VIPR1: variants seen among roughly 807,000 people sequenced by gnomAD.
VIPR1 encodes the protein vasoactive intestinal peptide receptor 1, also known as vasoactive intestinal polypeptide receptor 1.
Under a neutral mutation model 58.8 loss-of-function variants are expected in VIPR1, and 59 were observed. The observed-to-expected ratio is 1.00, with a 90% CI of 0.81 to 1.25. The LOEUF (loss-of-function observed/expected upper bound fraction) is 1.25, where lower values mean the gene tolerates loss of function less well. Among genes scored for constraint, VIPR1 ranks in the 50% most tolerant of loss-of-function variants. The pLI, the probability that VIPR1 is intolerant of heterozygous loss-of-function variation, is 0.00. For missense variants in VIPR1, 626 were observed against 602.7 expected (o/e 1.04, Z -0.40); for synonymous variants, 251 against 242.1 (o/e 1.04, Z -0.34).
intron 1 of VIPR1, chr3:42,507,336 G>C (rs1700162061): frequency 1.3e-5 from 2 of 152,242 alleles, no homozygotes; most frequent in Non-Finnish European, 2.9e-5. Flanking sequence ...GTGAGCCTCA[G>C]GCTAGCCTCC....
rs111871733 is a variant in VIPR1, at chr3:42,526,049, A to G, written c.399+56A>G. 1.3e-5 allele frequency: 19 copies of G among 1,499,880 alleles called. No homozygotes were observed. In the African/African-American group the frequency reaches 2.1e-4, roughly 16 times the overall value. The allele number at this position is 1,499,880 out of a possible 1,614,324, so 92.9% of individuals were successfully genotyped here. ...CAGAGCGCCGGGGCCCACCTAGGAG[A>G]CTTTGATCTCTCCCACCGAGGGGTG... is the stretch of plus-strand genomic sequence containing the variant. On this transcript the variant is annotated intron_variant, in intron 4 of 12. Coordinates refer to ENST00000325123, the MANE Select transcript of VIPR1 (RefSeq NM_004624.4).
intron 7 of VIPR1, chr3:42,531,137 G>A (rs561439631): frequency 1.5e-6 from 1 of 681,192 alleles, no homozygotes; most frequent in African/African-American, 1.8e-5. Flanking sequence ...CTGCACCTAG[G>A]GCTGACCTGT....
chr3:42,528,157 T>A (rs1285947123), intron 6 of VIPR1, 34 bp downstream of exon 6: 2 of 1,606,756 alleles, frequency 1.2e-6, no homozygotes, highest in Non-Finnish European at 1.7e-6. Flanking sequence ...CCTCCCTCAG[T>A]CTCGCCGTTA....
In VIPR1 at chr3:42,536,748, T is replaced by G. The variant is rs1701870727; in HGVS notation, c.*467T>G. ...AGTGCCTGAAATTTCACCATTGCTGTCAAGTTCCTTTGGGTTAAGCATTAC... is the reference window on the plus strand; with the variant it reads ...AGTGCCTGAAATTTCACCATTGCTGGCAAGTTCCTTTGGGTTAAGCATTAC... On this transcript the variant is annotated 3_prime_UTR_variant, in exon 13 of 13. Transcript: ENST00000325123. 6.4e-6 allele frequency: 1 copy of G among 157,044 alleles called. No homozygotes were observed. The highest frequency in any genetic ancestry group is 1.4e-5 in the Non-Finnish European group (1 of 71,528). The allele number at this position is 157,044 out of a possible 1,614,324, so 9.7% of individuals were successfully genotyped here. A position where few individuals can be genotyped will look rare whatever the true frequency, so the allele number is the denominator to read the frequency against.
rs753870194 is a variant in VIPR1 at position 42,531,461 on chromosome 3, G to A, written c.791-10G>A. The A allele has an allele frequency of 2.5e-6, 4 of 1,572,388 alleles. No individual in the cohort carries two copies. Among genetic ancestry groups the A allele is most frequent in the African/African-American group, 2.7e-5 (2 of 73,972 alleles). Reference sequence around the variant, plus strand: ...CCTCTCTGCTCTTTCACTCTCCCTGGGCCTGACAGGGGTACCCAGCACATT... The same window carrying A: ...CCTCTCTGCTCTTTCACTCTCCCTGAGCCTGACAGGGGTACCCAGCACATT... On this transcript the variant is annotated splice_polypyrimidine_tract_variant and intron_variant, in intron 7 of 12. Coordinates refer to ENST00000325123, the MANE Select transcript of VIPR1 (RefSeq NM_004624.4).
intron 11 of VIPR1, 100 bp downstream of exon 11, chr3:42,535,204 A>C: frequency 6.2e-7 from 1 of 1,600,692 alleles, no homozygotes; most frequent in Non-Finnish European, 8.5e-7. Flanking sequence ...TTTTTACTGT[A>C]ATAAGTATTA....
chr3:42,527,339 C>T (rs936768568), intron 4 of VIPR1, 54 bp from the exon 5 acceptor site: 2 of 1,555,708 alleles, frequency 1.3e-6, no homozygotes, highest in Non-Finnish European at 1.8e-6. Context: ...CCAATACCCC[C>T]TAGATGAGCC....
Position 42,528,070 on chromosome 3 carries a change from A to G in VIPR1, c.583A>G (p.Lys195Glu), listed in dbSNP as rs1701330764. The G allele has an allele frequency of 1.9e-6, 3 of 1,613,994 alleles. No homozygotes were observed. The highest frequency in any genetic ancestry group is 2.5e-6 in the Non-Finnish European group (3 of 1,179,950). Residue 195 changes from lysine to glutamate, a missense_variant, in exon 6 of 13, where the codon AAA becomes GAA. Physicochemically the swap from Lys to Glu is moderately conservative, Grantham distance 56. Coordinates refer to ENST00000325123, the MANE Select transcript of VIPR1 (RefSeq NM_004624.4). ...FILRAAAVFI[K>E]DLALFDSGES... ...CCTGAGGGCTGCCGCTGTCTTCATC[A>G]AAGACTTGGCCCTCTTCGACAGCGG...
At chr3:42,500,146 C>T (rs1699839354), upstream of VIPR1, 1 of 152,250 alleles carries the variant, frequency 6.6e-6, no homozygotes, top group South Asian at 2.1e-4. Context: ...GATTCACCTA[C>T]TCCCTTCCGG....
chr3:42,535,531 T>A, intron 12 of VIPR1, 147 bp downstream of exon 12: 1 of 825,666 alleles, frequency 1.2e-6, no homozygotes, highest in Non-Finnish European at 2.0e-6. Context: ...TGGTGTCACC[T>A]AGGCCCTTGT....
intron 2 of VIPR1, 48 bp from the exon 3 acceptor site, chr3:42,519,175 G>C (rs760054566): frequency 6.8e-7 from 1 of 1,462,158 alleles, no homozygotes; most frequent in South Asian, 1.4e-5. Context: ...CAGGGCTGGA[G>C]GCACCTGCAC....
chr3:42,523,132 T>C (rs147922137), intron 3 of VIPR1, among the ~76,000 whole-genome samples: 17 of 147,022 alleles, frequency 1.2e-4, no homozygotes, highest in Non-Finnish European at 2.2e-4. Flanking sequence ...TAAAGTCCCT[T>C]GCTACCTCCC....
At chr3:42,494,137 C>T (rs958420753) in intron 1 of VIPR1, among the ~76,000 whole-genome samples, 1 of 152,236 alleles carries the variant, frequency 6.6e-6, no homozygotes, top group African/African-American at 2.4e-5. Flanking sequence ...AACTAGACAA[C>T]TTTGTACTTT....
intron 1 of VIPR1, among the ~76,000 whole-genome samples, chr3:42,494,072 C>T (rs778865790): frequency 6.6e-6 from 1 of 152,248 alleles, no homozygotes; most frequent in Non-Finnish European, 1.5e-5. Context: ...ACAGACCTGC[C>T]TCAAACCTTC....
At chr3:42,519,573 A>T in intron 3 of VIPR1, 1 of 411,368 alleles carries the variant, frequency 2.4e-6, no homozygotes, top group South Asian at 4.6e-5. Context: ...TTGATAACTG[A>T]TTGACTGACA....
At chr3:42,520,409 G>A (rs137858225) in intron 3 of VIPR1, among the ~76,000 whole-genome samples, 23 of 152,302 alleles carry the variant, frequency 1.5e-4, no homozygotes, top group African/African-American at 5.3e-4. Context: ...TCTGTGAGAA[G>A]GAAGAATTCT....
At chr3:42,513,009 A>G in intron 1 of VIPR1, 1 of 962,608 alleles carries the variant, frequency 1.0e-6, no homozygotes, top group Non-Finnish European at 1.2e-6. Context: ...GGGTACAGGG[A>G]GGGGAAGAGG....
At chr3:42,496,326 G>A (rs1054346525) in intron 1 of VIPR1, among the ~76,000 whole-genome samples, 3 of 152,184 alleles carry the variant, frequency 2.0e-5, no homozygotes, top group South Asian at 4.1e-4. Flanking sequence ...TCCTGGACAT[G>A]ATTTACACTT....
At chr3:42,496,105 C>T (rs765488732) in intron 1 of VIPR1, among the ~76,000 whole-genome samples, 21 of 152,064 alleles carry the variant, frequency 1.4e-4, no homozygotes, top group Admixed American at 6.5e-5. Context: ...GGCGTGGTGG[C>T]GTGTGCCTGT....
Sources: allele counts gnomAD v4.1 joint callset (sites outside exome capture counted in the v4.1 genomes callset), GRCh38; gene constraint gnomAD v4.1.1; transcripts MANE v1.5; gene names NCBI Gene and HGNC (gene_info 2026-07-23, HGNC 2026-07-21).